SLC30A8: variants seen among roughly 807,000 people sequenced by gnomAD.
The protein encoded by SLC30A8 is solute carrier family 30 member 8.
A neutral mutation model predicts 36.9 loss-of-function variants in SLC30A8; 27 were observed. That is an observed-to-expected ratio of 0.73 (90% CI 0.54 to 1.01). SLC30A8 has a LOEUF of 1.01. Among genes scored for constraint, SLC30A8 ranks in the 50% least tolerant of loss-of-function variants. The pLI, the probability that SLC30A8 is intolerant of heterozygous loss-of-function variation, is 0.00. For missense variants in SLC30A8, 439 were observed against 452.0 expected (o/e 0.97, Z 0.26); for synonymous variants, 164 against 172.4 (o/e 0.95, Z 0.38).
chr8:117,015,962 T>A (rs1816504046), intron 1 of SLC30A8, among the ~76,000 whole-genome samples: 1 of 152,040 alleles, frequency 6.6e-6, no homozygotes, highest in Non-Finnish European at 1.5e-5. Flanking sequence ...GACAGGTGTG[T>A]CTAATGGTTT....
At chr8:117,057,625 T>G (rs1210959411) in intron 2 of SLC30A8, among the ~76,000 whole-genome samples, 1 of 152,192 alleles carries the variant, frequency 6.6e-6, no homozygotes, top group Non-Finnish European at 1.5e-5. Flanking sequence ...ACAGTATTTA[T>G]CTTTCTGTAT....
At chr8:117,111,848 T>A (rs942372767) in intron 2 of SLC30A8, among the ~76,000 whole-genome samples, 1 of 152,112 alleles carries the variant, frequency 6.6e-6, no homozygotes, top group East Asian at 1.9e-4. Flanking sequence ...GCTCTGCTCC[T>A]GGTTGAGGCA....
At chr8:117,142,488 T>G (rs1418358934) in intron 1 of SLC30A8, among the ~76,000 whole-genome samples, 1 of 152,178 alleles carries the variant, frequency 6.6e-6, no homozygotes, top group Non-Finnish European at 1.5e-5. Context: ...TGGCCTGAAG[T>G]GTTCTGCAAA....
At chr8:117,102,866 G>A (rs1383445779) in intron 2 of SLC30A8, among the ~76,000 whole-genome samples, 1 of 152,012 alleles carries the variant, frequency 6.6e-6, no homozygotes, top group Non-Finnish European at 1.5e-5. Flanking sequence ...TTCCAAATAG[G>A]AAACAGTTCC....
intron 1 of SLC30A8, among the ~76,000 whole-genome samples, chr8:117,033,914 T>G (rs950261603): frequency 6.6e-6 from 1 of 152,174 alleles, no homozygotes; most frequent in African/African-American, 2.4e-5. Flanking sequence ...CATTTGTATT[T>G]TTTCCTAAGC....
intron 2 of SLC30A8, among the ~76,000 whole-genome samples, chr8:117,092,450 G>A (rs1424261637): frequency 6.6e-6 from 1 of 151,302 alleles, no homozygotes; most frequent in Admixed American, 6.6e-5. Context: ...GCCTTTAACA[G>A]CCCTCTTTTT....
At chr8:117,045,446 T>C (rs2130763645) in intron 2 of SLC30A8, among the ~76,000 whole-genome samples, 1 of 152,326 alleles carries the variant, frequency 6.6e-6, no homozygotes, top group South Asian at 2.1e-4. Context: ...AGTGTCAATT[T>C]TGGTTTCTGG....
At chr8:117,162,020 C>A in intron 5 of SLC30A8, 132 bp downstream of exon 5, 1 of 649,140 alleles carries the variant, frequency 1.5e-6, no homozygotes. Context: ...AAAGCTAAAG[C>A]AAGCAAACAC....
At chr8:117,167,496 T>TATATATATATATATATATATATATAC (rs1403884282) in intron 6 of SLC30A8, among the ~76,000 whole-genome samples, 51 of 140,572 alleles carry the variant, frequency 3.6e-4, no homozygotes, top group African/African-American at 1.4e-3. Context: ...TATATATACA[T>TATATATATATATATATATATATATAC]ACATACATGT....
At chr8:117,106,714 C>T (rs1419075647) in intron 2 of SLC30A8, among the ~76,000 whole-genome samples, 1 of 152,142 alleles carries the variant, frequency 6.6e-6, no homozygotes. Context: ...CTGGAATCCC[C>T]AGCCCACTTT....
chr8:116,974,795 C>A (rs1563729990), intron 1 of SLC30A8, among the ~76,000 whole-genome samples: 1 of 152,030 alleles, frequency 6.6e-6, no homozygotes, highest in Non-Finnish European at 1.5e-5. Flanking sequence ...CCCAAATGTC[C>A]ATCAATGATA....
intron 1 of SLC30A8, among the ~76,000 whole-genome samples, chr8:117,001,443 G>C (rs1816008969): frequency 6.6e-6 from 1 of 152,126 alleles, no homozygotes; most frequent in Admixed American, 6.5e-5. Context: ...TTATATGAGT[G>C]AATGCATCTC....
At chr8:116,990,773 CAG>C (rs562367735) in intron 1 of SLC30A8, among the ~76,000 whole-genome samples, 135 of 152,260 alleles carry the variant, frequency 8.9e-4, no homozygotes, top group African/African-American at 1.5e-3. Flanking sequence ...GATGTTAACA[CAG>C]GGGAAACTGG....
intron 4 of SLC30A8, among the ~76,000 whole-genome samples, chr8:117,160,490 G>T (rs1586606231): frequency 6.6e-6 from 1 of 151,618 alleles, no homozygotes; most frequent in African/African-American, 2.4e-5. Flanking sequence ...ACCTTCTCCA[G>T]CACATTTAAA....
chr8:117,042,238 C>T (rs557126736), intron 2 of SLC30A8, among the ~76,000 whole-genome samples: 5 of 152,290 alleles, frequency 3.3e-5, no homozygotes, highest in African/African-American at 1.2e-4. Context: ...ATAACAATGT[C>T]CTAATGCCAA....
At chr8:117,150,135 GTGT>G (rs1462853805) in intron 2 of SLC30A8, among the ~76,000 whole-genome samples, 2 of 152,184 alleles carry the variant, frequency 1.3e-5, no homozygotes, top group Admixed American at 1.3e-4. Flanking sequence ...ATTTGAGGAC[GTGT>G]TGTTGTACTT....
rs377661392 is a variant in SLC30A8 at position 117,085,172 on chromosome 8, A to G, written c.-226+45914A>G. On this transcript the variant is annotated intron_variant, in intron 2 of 10. Coordinates refer to the SLC30A8 transcript ENST00000427715. ...AACTTCTATTTGTTGAGCAGTTGCT[A>G]TATGCCAGGAAGTTTACATACTACC... Among the ~76,000 whole-genome samples, 40 of 152,274 alleles carry G rather than the reference A, an allele frequency of 2.6e-4. No homozygotes were observed. The South Asian group carries it at 7.2e-3, about 28-fold the overall frequency.
chr8:117,093,671 C>G (rs571383085), intron 2 of SLC30A8, among the ~76,000 whole-genome samples: 1 of 152,292 alleles, frequency 6.6e-6, no homozygotes, highest in East Asian at 1.9e-4. Flanking sequence ...AGTAACACTA[C>G]TAACCAGAGT....
At chr8:117,110,131 C>A (rs543263980) in intron 2 of SLC30A8, among the ~76,000 whole-genome samples, 1 of 152,066 alleles carries the variant, frequency 6.6e-6, no homozygotes, top group Admixed American at 6.6e-5. Context: ...TTCAAAAAAA[C>A]CCTCCATAAG....
Sources: gnomAD v4.1 joint callset for allele counts (sites outside exome capture counted in the v4.1 genomes callset) on GRCh38, gnomAD v4.1.1 for gene constraint, MANE v1.5 for transcripts, NCBI Gene and HGNC (gene_info 2026-07-23, HGNC 2026-07-21) for gene names.